POMT2: variants seen among roughly 807,000 people sequenced by gnomAD.
POMT2 encodes protein O-mannosyltransferase 2.
In POMT2, 75 loss-of-function variants were observed where a neutral mutation model predicts 100.0. That is an observed-to-expected ratio of 0.75 (90% CI 0.62 to 0.91). POMT2 has a LOEUF of 0.91. Ranked by LOEUF, POMT2 falls within the 40% of genes least tolerant of loss-of-function variation. The pLI, the probability that POMT2 is intolerant of heterozygous loss-of-function variation, is 0.00. For synonymous variants in POMT2, 378 were observed against 374.1 expected (o/e 1.01, Z -0.12); for missense variants, 940 against 955.1 (o/e 0.98, Z 0.21).
intron 11 of POMT2, among the ~76,000 whole-genome samples, chr14:77,288,159 G>T (rs1890502772): frequency 6.6e-6 from 1 of 152,210 alleles, no homozygotes; most frequent in African/African-American, 2.4e-5. Flanking sequence ...AAGCAAAAGT[G>T]GCTTCAGTGT....
At position 77,283,901 on chromosome 14, in the gene POMT2, C is replaced by G. The variant is rs932476532; in HGVS notation, c.1577-28G>C. ...AGGGGAAAAAAATGCAGGAGAAAAGCCTTTGTCATACATTCTTTCCTCAGT... is the reference window on the plus strand; with the variant it reads ...AGGGGAAAAAAATGCAGGAGAAAAGGCTTTGTCATACATTCTTTCCTCAGT... On this transcript the variant is annotated intron_variant, in intron 14 of 20. Transcript: ENST00000261534. The G allele has an allele frequency of 7.1e-6, 11 of 1,548,522 alleles. No individual in the cohort carries two copies. The African/African-American group carries it at 1.5e-4, about 21-fold the overall frequency.
Position 77,279,920 on chromosome 14 carries a change from C to A in POMT2, c.1794G>T (p.Trp598Cys), listed in dbSNP as rs1409327493. Residue 598 changes from tryptophan to cysteine, a missense_variant, in exon 18 of 21, where the codon TGG becomes TGT. Transcript: ENST00000261534. ...GGGCGATGCTCAACAGATTCAGCCACCAAACCACCTGTGCAGAAATGGGAA... is the reference window on the plus strand; with the variant it reads ...GGGCGATGCTCAACAGATTCAGCCAACAAACCACCTGTGCAGAAATGGGAA... ...RVYLLGNPVV[W>C]WLNLLSIALY... 6.2e-7 allele frequency: 1 copy of A among 1,614,152 alleles called. No individual in the cohort carries two copies. Among genetic ancestry groups the A allele is most frequent in the Admixed American group, 1.7e-5 (1 of 60,030 alleles).
At chr14:77,313,370 T>G (rs1267054376) in intron 1 of POMT2, among the ~76,000 whole-genome samples, 1 of 152,242 alleles carries the variant, frequency 6.6e-6, no homozygotes, top group Non-Finnish European at 1.5e-5. Context: ...CAGAAATAAC[T>G]TCAAAGCAGG....
Position 77,299,439 on chromosome 14 carries a change from A to G in POMT2, c.923+16T>C. 6.2e-7 allele frequency: 1 copy of G among 1,609,392 alleles called. No homozygotes were observed. On this transcript the variant is annotated intron_variant, in intron 7 of 20. Transcript: ENST00000261534. ...GGAAAACCAGAAGCAAGATGCTGCAAAGGCTCTGTCTGTACCTTTTACTCA... is the reference window on the plus strand; with the variant it reads ...GGAAAACCAGAAGCAAGATGCTGCAGAGGCTCTGTCTGTACCTTTTACTCA...
chr14:77,296,272 G>T lies in POMT2; in HGVS notation c.1008C>A (p.His336Gln), dbSNP rs1239311323. ...NNLHNASIPE[H>Q]LAYGSVITVK... ...CAGTGATCACAGAGCCGTAGGCCAGGTCTGGGAGGAAGGGAGACAGCAGAG... is the reference window on the plus strand; with the variant it reads ...CAGTGATCACAGAGCCGTAGGCCAGTTCTGGGAGGAAGGGAGACAGCAGAG... Residue 336 changes from histidine to glutamine, a missense_variant and splice_region_variant, in exon 9 of 21, where the codon CAC becomes CAA. Physicochemically the swap from His to Gln is conservative, Grantham distance 24. Transcript: ENST00000261534. The T allele has an allele frequency of 8.8e-6, 14 of 1,595,756 alleles. No homozygotes were observed. Among genetic ancestry groups the T allele is most frequent in the Non-Finnish European group, 1.1e-5 (13 of 1,171,132 alleles).
chr14:77,311,974 A>G lies in POMT2; in HGVS notation c.308T>C (p.Phe103Ser). The change falls in exon 2 of 21, where the codon TTT becomes TCT. Residue 103 changes from phenylalanine (F) to serine (S), a missense_variant. Physicochemically the swap from Phe to Ser is radical, Grantham distance 155. Coordinates refer to ENST00000261534, the MANE Select transcript of POMT2 (RefSeq NM_013382.7). Reference protein sequence around the residue: ...GSYYINRTFFFDVHPPLGKML... With the variant: ...GSYYINRTFFSDVHPPLGKML... ...CTTTCCCAGGGGCGGGTGCACATCA[A>G]AGAAAAATGTACGGTTGATATAGTA... 9 of 1,614,136 alleles carry G rather than the reference A, an allele frequency of 5.6e-6. No homozygotes were observed. The South Asian group carries it at 9.9e-5, about 18-fold the overall frequency.
intron 9 of POMT2, among the ~76,000 whole-genome samples, chr14:77,291,756 G>A (rs551972792): frequency 6.6e-6 from 1 of 152,336 alleles, no homozygotes; most frequent in East Asian, 1.9e-4. Flanking sequence ...ATTAAGGCCG[G>A]GTGTGGTGGC....
At chr14:77,304,665 A>T in intron 4 of POMT2, 27 bp downstream of exon 4, 1 of 1,562,414 alleles carries the variant, frequency 6.4e-7, no homozygotes, top group Non-Finnish European at 8.7e-7. Flanking sequence ...ATTTCCCAAA[A>T]GCCATGGTAT....
chr14:77,305,951 C>G (rs2139498984), intron 3 of POMT2, among the ~76,000 whole-genome samples: 1 of 152,336 alleles, frequency 6.6e-6, no homozygotes, highest in East Asian at 1.9e-4. Context: ...AACACTCCAG[C>G]AGCTGTGGCT....
intron 6 of POMT2, chr14:77,299,884 A>G: frequency 2.8e-6 from 1 of 360,282 alleles, no homozygotes; most frequent in South Asian, 2.2e-5. Flanking sequence ...AGGTACACTA[A>G]CCTCCTTGAA....
intron 9 of POMT2, among the ~76,000 whole-genome samples, chr14:77,295,370 T>C (rs976656604): frequency 5.3e-5 from 8 of 152,184 alleles, no homozygotes; most frequent in African/African-American, 1.9e-4. Flanking sequence ...CGGTGGCTCA[T>C]GCCTGTAATC....
intron 15 of POMT2, among the ~76,000 whole-genome samples, chr14:77,281,240 T>C (rs1017521721): frequency 6.6e-6 from 1 of 152,370 alleles, no homozygotes; most frequent in South Asian, 2.1e-4. Flanking sequence ...TTTAGCTTAG[T>C]GCTTCTCCAC....
rs1594795357 is a variant in POMT2, at chr14:77,300,012, T to A, written c.817-451A>T. The A allele has an allele frequency of 2.3e-5, 6 of 258,042 alleles. 1 individual carries two copies. The South Asian group carries it at 2.8e-4, about 12-fold the overall frequency. 16.0% of individuals were successfully genotyped at this position (258,042 alleles called of 1,614,324 possible). A position where few individuals can be genotyped will look rare whatever the true frequency, so the allele number is the denominator to read the frequency against. On this transcript the variant is annotated intron_variant, in intron 6 of 20. Transcript: ENST00000261534. ...CCTGGATTGCCTGGGACTGGCCGAG[T>A]GCCCTTTTCTGTGCTCTCCCAGCAC...
chr14:77,317,678 T>C (rs899200743), intron 1 of POMT2, among the ~76,000 whole-genome samples: 1 of 152,244 alleles, frequency 6.6e-6, no homozygotes, highest in African/African-American at 2.4e-5. Flanking sequence ...TCCTTTTGCC[T>C]ACCAACTGGG....
intron 15 of POMT2, among the ~76,000 whole-genome samples, chr14:77,282,207 A>G (rs1266719495): frequency 6.6e-6 from 1 of 152,240 alleles, no homozygotes; most frequent in Admixed American, 6.5e-5. Flanking sequence ...AATCTTATTC[A>G]CTACATTAAA....
At chr14:77,282,454 C>G (rs545984820) in intron 15 of POMT2, among the ~76,000 whole-genome samples, 1 of 152,348 alleles carries the variant, frequency 6.6e-6, no homozygotes, top group East Asian at 1.9e-4. Flanking sequence ...TCTCTCTCCC[C>G]TCCCTGACTC....
Position 77,278,271 on chromosome 14 carries a change from G to C in POMT2, c.2147+123C>G, listed in dbSNP as rs552291981. On this transcript the variant is annotated intron_variant, in intron 20 of 20. Coordinates refer to ENST00000261534, the MANE Select transcript of POMT2 (RefSeq NM_013382.7). ...ACGGCCCCACCTGGGCTTGGGTGAC[G>C]CAGAACCTCCAGGCATGGGCACTGG... 10 of 855,044 alleles carry C rather than the reference G, an allele frequency of 1.2e-5. No individual in the cohort carries two copies. The South Asian group carries it at 1.3e-4, about 11-fold the overall frequency. The allele number at this position is 855,044 out of a possible 1,614,324, so 53.0% of individuals were successfully genotyped here.
intron 12 of POMT2, among the ~76,000 whole-genome samples, chr14:77,286,320 A>G (rs954138317): frequency 6.6e-6 from 1 of 152,234 alleles, no homozygotes; most frequent in African/African-American, 2.4e-5. Context: ...AAAGCTATGG[A>G]TAATATCCCT....
chr14:77,277,535 G>A (rs947203725), intron 20 of POMT2, 54 bp from the exon 21 acceptor site: 21 of 1,371,726 alleles, frequency 1.5e-5, no homozygotes, highest in Non-Finnish European at 2.1e-5. Context: ...CTCAGCTGAG[G>A]GGCTTTGAAT....
Sources: gnomAD v4.1 joint callset for allele counts (sites outside exome capture counted in the v4.1 genomes callset) on GRCh38, gnomAD v4.1.1 for gene constraint, MANE v1.5 for transcripts, NCBI Gene and HGNC (gene_info 2026-07-23, HGNC 2026-07-21) for gene names.